Variants in MAPK10 observed in about 807,000 individuals in gnomAD.
MAPK10 encodes mitogen-activated protein kinase 10, also known as JNK3 alpha protein kinase.
Under a neutral mutation model 59.3 loss-of-function variants are expected in MAPK10, and 25 were observed. That is an observed-to-expected ratio of 0.42 (90% CI 0.31 to 0.59). MAPK10 has a LOEUF of 0.59. MAPK10 is among the 20% of genes least tolerant of loss of function. The probability of loss-of-function intolerance (pLI) is 0.15; values close to 1 mark genes in which losing one functional copy is unlikely to be tolerated. For missense variants in MAPK10, 351 were observed against 568.9 expected, an observed-to-expected ratio of 0.62 and a Z score of 3.90; for synonymous variants, 190 against 200.5, an observed-to-expected ratio of 0.95 and a Z score of 0.44.
intron 1 of MAPK10, among the ~76,000 whole-genome samples, chr4:86,522,131 C>T (rs978723758): frequency 6.6e-6 from 1 of 152,196 alleles, no homozygotes; most frequent in Non-Finnish European, 1.5e-5. Context: ...TCAGGTTCCC[C>T]AGTGGGGTGT....
chr4:86,029,408 C>CTCTATT (rs1462808354), intron 12 of MAPK10, 134 bp from the exon 13 acceptor site: 1 of 619,508 alleles, frequency 1.6e-6, no homozygotes, highest in Non-Finnish European at 2.9e-6. Flanking sequence ...TCCTTTACTG[C>CTCTATT]TCTATTTCTA....
chr4:86,155,184 G>A (rs1305055547), intron 4 of MAPK10, among the ~76,000 whole-genome samples: 1 of 151,844 alleles, frequency 6.6e-6, no homozygotes, highest in East Asian at 1.9e-4. Flanking sequence ...ATTTAAAAGG[G>A]AGAACTTTTT....
At chr4:86,548,648 G>A (rs147560323) in intron 1 of MAPK10, among the ~76,000 whole-genome samples, 1 of 152,122 alleles carries the variant, frequency 6.6e-6, no homozygotes, top group Non-Finnish European at 1.5e-5. Flanking sequence ...CATGCTTCCT[G>A]TATAGCCCAT....
At chr4:86,274,646 T>C (rs1232120528) in intron 2 of MAPK10, among the ~76,000 whole-genome samples, 1 of 151,982 alleles carries the variant, frequency 6.6e-6, no homozygotes, top group Admixed American at 6.6e-5. Context: ...CATTTATCCA[T>C]CCTTAATTCT....
At chr4:86,407,899 TTTTC>T (rs1307923829) in intron 1 of MAPK10, among the ~76,000 whole-genome samples, 2 of 152,114 alleles carry the variant, frequency 1.3e-5, no homozygotes, top group African/African-American at 4.8e-5. Flanking sequence ...GCAAAATTTA[TTTTC>T]TTTTTTTATT....
chr4:86,247,394 T>G (rs71603488), intron 2 of MAPK10, among the ~76,000 whole-genome samples: 4,737 of 152,350 alleles, frequency 0.031, 139 homozygotes, highest in East Asian at 0.12. Context: ...CCAGGTCCTG[T>G]TAATATACAT....
chr4:86,151,060 C>T (rs1270761889), intron 4 of MAPK10, among the ~76,000 whole-genome samples: 2 of 152,074 alleles, frequency 1.3e-5, no homozygotes, highest in East Asian at 3.9e-4. Flanking sequence ...GAAGAAGCAT[C>T]AGTCAATGCA....
chr4:86,295,979 C>T (rs1045560160), intron 2 of MAPK10, among the ~76,000 whole-genome samples: 20 of 150,854 alleles, frequency 1.3e-4, no homozygotes, highest in Admixed American at 6.6e-4. Flanking sequence ...AGTTTGAGTC[C>T]GACCTGGCCA....
In MAPK10 at chr4:86,159,403, A is replaced by C. The variant is rs759658360; in HGVS notation, c.131T>G (p.Val44Gly). ...TTCCACACTGTAGAACTGGTTGTCA[A>C]CTTTGCTTTTGCTCATGTTGTAATG... ...AKHYNMSKSK[V>G]DNQFYSVEVG... The change falls in exon 4 of 14, where the codon GTT becomes GGT. Residue 44 changes from valine (V) to glycine (G), a missense_variant. Val to Gly is a moderately radical substitution (Grantham distance 109, BLOSUM62 -3). This residue lies in a region of MAPK10 where 61 missense variants were observed against 58.4 expected (regional missense o/e 1.05). Coordinates refer to ENST00000641462, the MANE Select transcript of MAPK10 (RefSeq NM_138982.4). The C allele has an allele frequency of 1.9e-6, 3 of 1,612,616 alleles. No individual in the cohort carries two copies. The highest frequency in any genetic ancestry group is 1.3e-5 in the African/African-American group (1 of 74,802).
chr4:86,294,929 C>T (rs76564036), intron 2 of MAPK10, among the ~76,000 whole-genome samples: 40 of 152,280 alleles, frequency 2.6e-4, no homozygotes, highest in African/African-American at 9.1e-4. Flanking sequence ...TCACAGAGCT[C>T]AAACCAGGCT....
At chr4:86,285,773 G>T (rs1194826047) in intron 2 of MAPK10, among the ~76,000 whole-genome samples, 5 of 152,148 alleles carry the variant, frequency 3.3e-5, no homozygotes, top group Non-Finnish European at 5.9e-5. Flanking sequence ...TCTGCCTTCT[G>T]CAAAACCAGT....
At chr4:86,207,576 C>A (rs1489819972) in intron 2 of MAPK10, among the ~76,000 whole-genome samples, 2 of 152,042 alleles carry the variant, frequency 1.3e-5, no homozygotes, top group Non-Finnish European at 1.5e-5. Flanking sequence ...TTTTCCAATT[C>A]TCTGAAGAAA....
At chr4:86,123,601 C>G (rs1190612221) in intron 4 of MAPK10, 1 of 152,022 alleles carries the variant, frequency 6.6e-6, no homozygotes, top group South Asian at 2.1e-4. Context: ...AGGGCACTAC[C>G]GAAAAGCATG....
At chr4:86,474,542 T>C (rs1360103804) in intron 1 of MAPK10, among the ~76,000 whole-genome samples, 1 of 152,176 alleles carries the variant, frequency 6.6e-6, no homozygotes, top group African/African-American at 2.4e-5. Flanking sequence ...TTTGGCAAAA[T>C]ACACTGAGAA....
chr4:86,535,045 C>T (rs1012090545), intron 1 of MAPK10, among the ~76,000 whole-genome samples: 4 of 152,140 alleles, frequency 2.6e-5, no homozygotes, highest in Non-Finnish European at 4.4e-5. Flanking sequence ...GGTCACTTTT[C>T]TACCCTGGGA....
chr4:86,372,378 G>A (rs1051316420), intron 1 of MAPK10, among the ~76,000 whole-genome samples: 7 of 151,820 alleles, frequency 4.6e-5, no homozygotes, highest in African/African-American at 1.5e-4. Flanking sequence ...TTAGCTGGGC[G>A]TGGTGGTGTG....
At chr4:86,438,095 A>C (rs954380095) in intron 1 of MAPK10, among the ~76,000 whole-genome samples, 1 of 152,214 alleles carries the variant, frequency 6.6e-6, no homozygotes, top group Admixed American at 6.5e-5. Context: ...AGAGGGAATT[A>C]GTCACTGATA....
chr4:86,351,162 T>C (rs550869817), intron 2 of MAPK10, among the ~76,000 whole-genome samples: 3 of 152,192 alleles, frequency 2.0e-5, no homozygotes, highest in African/African-American at 4.8e-5. Context: ...ATTCATCTCA[T>C]TGAATTGTAG....
chr4:86,114,142 T>G (rs1422208526), intron 4 of MAPK10, among the ~76,000 whole-genome samples: 1 of 152,212 alleles, frequency 6.6e-6, no homozygotes, highest in East Asian at 1.9e-4. Context: ...CTTAGCTTCT[T>G]TGCATTGGGT....
Sources: allele counts gnomAD v4.1 joint callset (sites outside exome capture counted in the v4.1 genomes callset), GRCh38; gene constraint gnomAD v4.1.1; regional missense constraint gnomAD v4.1.1; transcripts MANE v1.5; gene names NCBI Gene and HGNC (gene_info 2026-07-23, HGNC 2026-07-21).